The following MTHFD2L variants were observed in gnomAD, a reference collection of about 807,000 sequenced individuals.
MTHFD2L encodes the protein bifunctional methylenetetrahydrofolate dehydrogenase/cyclohydrolase 2, mitochondrial.
In MTHFD2L, 29 loss-of-function variants were observed where a neutral mutation model predicts 34.9. The observed-to-expected ratio is 0.83, with a 90% confidence interval of 0.62 to 1.13. The LOEUF (loss-of-function observed/expected upper bound fraction) is 1.13. MTHFD2L is among the 50% of genes most tolerant of loss of function. The pLI, the probability that MTHFD2L is intolerant of heterozygous loss-of-function variation, is 0.00. For synonymous variants in MTHFD2L, 167 were observed against 155.7 expected, an observed-to-expected ratio of 1.07 and a Z score of -0.54; for missense variants, 481 against 446.5, an observed-to-expected ratio of 1.08 and a Z score of -0.70.
upstream of MTHFD2L, chr4:74,156,969 T>C (rs1354470050): frequency 6.6e-6 from 1 of 152,204 alleles, no homozygotes; most frequent in African/African-American, 2.4e-5. Context: ...TGTAAAAATG[T>C]TTTGCGAATA....
At chr4:74,178,499 G>A (rs563101351) in intron 3 of MTHFD2L, among the ~76,000 whole-genome samples, 1 of 152,034 alleles carries the variant, frequency 6.6e-6, no homozygotes, top group South Asian at 2.1e-4. Context: ...CTGCTAGATG[G>A]CACTGGTGAT....
intron 1 of MTHFD2L, among the ~76,000 whole-genome samples, chr4:74,137,170 T>C (rs1342563930): frequency 6.6e-6 from 1 of 151,558 alleles, no homozygotes; most frequent in East Asian, 1.9e-4. Context: ...ATCAACAGAG[T>C]GAAGAAACAA....
chr4:74,141,014 A>T (rs1402196999), intron 1 of MTHFD2L, among the ~76,000 whole-genome samples: 6 of 152,242 alleles, frequency 3.9e-5, no homozygotes, highest in Admixed American at 3.9e-4. Context: ...TTACCTTACC[A>T]AATATGACAG....
intron 5 of MTHFD2L, among the ~76,000 whole-genome samples, chr4:74,214,387 G>A: frequency 6.6e-6 from 1 of 151,712 alleles, no homozygotes; most frequent in Non-Finnish European, 1.5e-5. Context: ...CCTTCGGATG[G>A]GGTTTTTGTG....
At chr4:74,138,334 T>C (rs1300955116) in intron 1 of MTHFD2L, among the ~76,000 whole-genome samples, 1 of 152,072 alleles carries the variant, frequency 6.6e-6, no homozygotes, top group African/African-American at 2.4e-5. Flanking sequence ...TCCCAAGATG[T>C]GGCAGGCAGC....
At chr4:74,254,712 G>T (rs931050299) in intron 6 of MTHFD2L, among the ~76,000 whole-genome samples, 5 of 152,112 alleles carry the variant, frequency 3.3e-5, no homozygotes, top group Non-Finnish European at 7.4e-5. Flanking sequence ...AAAACTCATT[G>T]TGAAGGTAAG....
chr4:74,296,796 C>T (rs1157948522), intron 7 of MTHFD2L, among the ~76,000 whole-genome samples: 2 of 152,012 alleles, frequency 1.3e-5, no homozygotes, highest in African/African-American at 4.8e-5. Flanking sequence ...CCACTATGCT[C>T]TATGAATGCA....
In MTHFD2L at chr4:74,249,942, A is replaced by C. The variant is rs183840922; in HGVS notation, c.805+24548A>C. ...TTCCTTCATTTCAACTTTGGTGAATATGACAATTATGTGTCTTGGAGTTGC... is the reference window on the plus strand; with the variant it reads ...TTCCTTCATTTCAACTTTGGTGAATCTGACAATTATGTGTCTTGGAGTTGC... On this transcript the variant is annotated intron_variant, in intron 6 of 7. Transcript: ENST00000325278. 2.5e-3 allele frequency among the ~76,000 whole-genome samples: 387 copies of C among 152,196 alleles called. 3 individuals are homozygous for C. The highest frequency in any genetic ancestry group is 0.02 in the Admixed American group (311 of 15,272).
chr4:74,258,695 A>G (rs1047577096), intron 6 of MTHFD2L, among the ~76,000 whole-genome samples: 2 of 152,314 alleles, frequency 1.3e-5, no homozygotes, highest in Middle Eastern at 3.4e-3. Flanking sequence ...TTAGAATTTT[A>G]TTTATAAAAT....
intron 6 of MTHFD2L, among the ~76,000 whole-genome samples, chr4:74,235,023 G>A (rs779232918): frequency 1.6e-4 from 25 of 152,082 alleles, no homozygotes; most frequent in Non-Finnish European, 2.8e-4. Flanking sequence ...AAAATGCTAT[G>A]CATATAGCAA....
At chr4:74,206,431 T>A (rs1024686370) in intron 5 of MTHFD2L, among the ~76,000 whole-genome samples, 3 of 152,240 alleles carry the variant, frequency 2.0e-5, no homozygotes, top group African/African-American at 7.2e-5. Context: ...TGTCTCAAGA[T>A]TAGCTCCTGG....
intron 1 of MTHFD2L, chr4:74,143,504 G>T (rs1160705634): frequency 1.1e-5 from 10 of 900,776 alleles, no homozygotes; most frequent in Non-Finnish European, 1.3e-5. Context: ...GGATGGAAGG[G>T]GCAGAAGACT....
rs904740680 is a variant in MTHFD2L, at chr4:74,302,236, T to A, written c.*427T>A. 1.3e-5 allele frequency: 2 copies of A among 152,496 alleles called. No individual in the cohort carries two copies. Among genetic ancestry groups the A allele is most frequent in the African/African-American group, 4.8e-5 (2 of 41,472 alleles). The allele number at this position is 152,496 out of a possible 1,614,324, so 9.4% of individuals were successfully genotyped here. On this transcript the variant is annotated 3_prime_UTR_variant, in exon 8 of 8. Transcript: ENST00000325278. Reference sequence around the variant, plus strand: ...AACATTTTTAATGTATTTTATGATCTATGTCATATATTAAAAAAGAGCTTG... The same window carrying A: ...AACATTTTTAATGTATTTTATGATCAATGTCATATATTAAAAAAGAGCTTG...
chr4:74,256,158 C>A (rs1744000483), intron 6 of MTHFD2L, among the ~76,000 whole-genome samples: 1 of 152,178 alleles, frequency 6.6e-6, no homozygotes, highest in Admixed American at 6.6e-5. Context: ...GCCTCACCAG[C>A]ATCTGTTGTC....
chr4:74,130,897 A>G (rs568773468), intron 1 of MTHFD2L, among the ~76,000 whole-genome samples: 4 of 152,342 alleles, frequency 2.6e-5, no homozygotes, highest in African/African-American at 9.6e-5. Context: ...AAGTCTCAGG[A>G]TACAAAATCA....
Position 74,302,901 on chromosome 4 carries a change from A to C in MTHFD2L, c.*1092A>C, listed in dbSNP as rs1186326098. 1 of 152,126 alleles carries C rather than the reference A, an allele frequency of 6.6e-6. No homozygotes were observed. Among genetic ancestry groups the C allele is most frequent in the African/African-American group, 2.4e-5 (1 of 41,452 alleles). The allele number at this position is 152,126 out of a possible 1,614,324, so 9.4% of individuals were successfully genotyped here. ...AGGAAATATATATGAATGTCGTTGA[A>C]GTCTATTTTGAGACTGCTAAAGCTA... is the stretch of plus-strand genomic sequence containing the variant. On this transcript the variant is annotated 3_prime_UTR_variant, in exon 8 of 8. Transcript: ENST00000325278.
intron 6 of MTHFD2L, among the ~76,000 whole-genome samples, chr4:74,246,277 T>C (rs530582818): frequency 6.6e-6 from 1 of 152,130 alleles, no homozygotes; most frequent in African/African-American, 2.4e-5. Context: ...AAATGTCTTC[T>C]TTTGAGAAGT....
In MTHFD2L at chr4:74,182,132, C is replaced by T. The variant is rs142575255; in HGVS notation, c.451+6729C>T. On this transcript the variant is annotated intron_variant, in intron 3 of 7. Transcript: ENST00000325278. ...TTGTTTTAGAATTTATATTTCCTTTCTCTATGGGAGAAACCCCAGTTCTGT... is the reference window on the plus strand; with the variant it reads ...TTGTTTTAGAATTTATATTTCCTTTTTCTATGGGAGAAACCCCAGTTCTGT... 4.8e-3 allele frequency among the ~76,000 whole-genome samples: 733 copies of T among 152,162 alleles called. 9 individuals are homozygous for T. Among genetic ancestry groups the T allele is most frequent in the African/African-American group, 0.017 (710 of 41,532 alleles).
At chr4:74,262,274 A>G (rs1480694527) in intron 6 of MTHFD2L, among the ~76,000 whole-genome samples, 1 of 151,982 alleles carries the variant, frequency 6.6e-6, no homozygotes, top group Non-Finnish European at 1.5e-5. Flanking sequence ...AAAACAACAA[A>G]AATAAAAATT....
Sources: gnomAD v4.1 joint callset for allele counts (sites outside exome capture counted in the v4.1 genomes callset) on GRCh38, gnomAD v4.1.1 for gene constraint, MANE v1.5 for transcripts, NCBI Gene and HGNC (gene_info 2026-07-23, HGNC 2026-07-21) for gene names.